The following SLC33A1 variants were observed in gnomAD, a reference collection of about 807,000 sequenced individuals.
SLC33A1 encodes solute carrier family 33 member 1, also known as acetyl-coenzyme A transporter 1.
Under a neutral mutation model 50.0 loss-of-function variants are expected in SLC33A1, and 20 were observed. The ratio of observed to expected loss-of-function variants is 0.40; its 90% CI spans 0.28 to 0.58. The LOEUF (loss-of-function observed/expected upper bound fraction) is 0.58, where lower values mean the gene tolerates loss of function less well. SLC33A1 is among the 20% of genes least tolerant of loss of function. The pLI is 0.44. For synonymous variants in SLC33A1, 265 were observed against 251.8 expected (o/e 1.05, Z -0.50); for missense variants, 476 against 657.0 (o/e 0.72, Z 3.01).
At chr3:155,849,466 A>T (rs1753310724) in intron 1 of SLC33A1, among the ~76,000 whole-genome samples, 1 of 152,184 alleles carries the variant, frequency 6.6e-6, no homozygotes, top group African/African-American at 2.4e-5. Context: ...AACTATAGGA[A>T]TTCTAACTTT....
In SLC33A1 at chr3:155,833,968, G is replaced by A. The variant is rs771681797; in HGVS notation, c.1037C>T (p.Ala346Val). The A allele has an allele frequency of 6.2e-6, 10 of 1,613,584 alleles. No homozygotes were observed. Among genetic ancestry groups the A allele is most frequent in the African/African-American group, 1.3e-5 (1 of 74,908 alleles). The change falls in exon 3 of 6, where the codon GCC becomes GTC. Residue 346 changes from alanine to valine, a missense_variant. Transcript: ENST00000643144. Reference sequence around the variant, plus strand: ...AGGAACCATTGGAACTGCCAATAAGGCTAAATGTTCTTTGGGTACTCCCTC... The same window carrying A: ...AGGAACCATTGGAACTGCCAATAAGACTAAATGTTCTTTGGGTACTCCCTC... The part of the protein sequence containing the change: ...VEEGVPKEHL[A>V]LLAVPMVPLQ...
intron 1 of SLC33A1, among the ~76,000 whole-genome samples, chr3:155,847,639 T>C (rs1222768308): frequency 1.3e-5 from 2 of 151,782 alleles, no homozygotes; most frequent in African/African-American, 4.8e-5. Flanking sequence ...TCCCAGCTAC[T>C]TGGGAGGCTG....
chr3:155,831,537 C>T (rs1047071048), intron 4 of SLC33A1, among the ~76,000 whole-genome samples: 4 of 142,410 alleles, frequency 2.8e-5, no homozygotes, highest in African/African-American at 1.0e-4. Context: ...AGGCTTATGT[C>T]ATACATCATT....
chr3:155,837,049 CAGAAAGGCTAAAATTAAAA>C (rs1457499711), intron 2 of SLC33A1, among the ~76,000 whole-genome samples: 1 of 152,080 alleles, frequency 6.6e-6, no homozygotes, highest in African/African-American at 2.4e-5. Flanking sequence ...ACACAACCAC[CAGAAAGGCTAAAATTAAAA>C]AGATGATATA....
Position 155,853,498 on chromosome 3 carries a change from C to T in SLC33A1, c.500G>A (p.Gly167Glu), listed in dbSNP as rs886907958. ...GTCGGGTGTTCTGTCATCGGTATTC[C>T]CAAGCAAACGGTCCACCTGAGTGGA... is the stretch of plus-strand genomic sequence containing the variant. ...YLSTQVDRLL[G>E]NTDDRTPDVI... Residue 167 changes from glycine to glutamate, a missense_variant, in exon 1 of 6, where the codon GGG becomes GAG. Gly to Glu is a moderately conservative substitution (Grantham distance 98). Coordinates refer to ENST00000643144, the MANE Select transcript of SLC33A1 (RefSeq NM_004733.4). 4.3e-6 allele frequency: 7 copies of T among 1,613,886 alleles called. No homozygotes were observed. In the African/African-American group the frequency reaches 9.4e-5, roughly 22 times the overall value.
chr3:155,822,696 T>C lies in SLC33A1; in HGVS notation c.*5514A>G, dbSNP rs1036897229. 1 of 152,182 alleles carries C rather than the reference T, an allele frequency of 6.6e-6. No individual in the cohort carries two copies. The highest frequency in any genetic ancestry group is 1.5e-5 in the Non-Finnish European group (1 of 68,030). The allele number at this position is 152,182 out of a possible 1,614,324, so 9.4% of individuals were successfully genotyped here. ...ACATAAAATTGTTATAAAGTTATAT[T>C]GTCTATATTGACAATAAAAAACTAT... On this transcript the variant is annotated 3_prime_UTR_variant, in exon 6 of 6. Coordinates refer to ENST00000643144, the MANE Select transcript of SLC33A1 (RefSeq NM_004733.4).
chr3:155,852,782 T>C (rs1373253672), intron 1 of SLC33A1, among the ~76,000 whole-genome samples: 6 of 152,220 alleles, frequency 3.9e-5, no homozygotes, highest in African/African-American at 1.4e-4. Context: ...GCTGGTTCAA[T>C]AATGTTTGAA....
chr3:155,836,941 A>G (rs1752704790), intron 2 of SLC33A1, among the ~76,000 whole-genome samples: 1 of 152,160 alleles, frequency 6.6e-6, no homozygotes, highest in Non-Finnish European at 1.5e-5. Flanking sequence ...AGAAAAGGGC[A>G]ACTTTGGATA....
chr3:155,841,091 C>T (rs1490584555), intron 2 of SLC33A1, among the ~76,000 whole-genome samples: 1 of 151,474 alleles, frequency 6.6e-6, no homozygotes, highest in African/African-American at 2.4e-5. Context: ...GAAAGACAGA[C>T]CCCTGGCTCT....
rs1012395013 is a variant in SLC33A1, at chr3:155,827,482, A to G, written c.*728T>C. The G allele has an allele frequency of 6.6e-6, 1 of 152,242 alleles. No homozygotes were observed. The highest frequency in any genetic ancestry group is 2.4e-5 in the African/African-American group (1 of 41,468). The allele number at this position is 152,242 out of a possible 1,614,324, so 9.4% of individuals were successfully genotyped here. ...TTAGGGTAAAAGTTTATAAGGAATC[A>G]AAATATCTTCCAAAAAGAGGGGGTA... On this transcript the variant is annotated 3_prime_UTR_variant, in exon 6 of 6. Coordinates refer to ENST00000643144, the MANE Select transcript of SLC33A1 (RefSeq NM_004733.4).
rs1577481950 is a variant in SLC33A1, at chr3:155,853,407, G to A, written c.591C>T (p.Val197=). The part of the protein sequence containing the change: ...EFLAATQDIA[V]DGWALTMLSR... ...ATAACATAGTTAACGCCCAACCATC[G>A]ACGGCAATGTCCTGAGTGGCGGCCA... The change falls in exon 1 of 6, where the codon GTC becomes GTT. Residue 197 remains valine, a synonymous_variant. Transcript: ENST00000643144. 2 of 1,613,996 alleles carry A rather than the reference G, an allele frequency of 1.2e-6. No homozygotes were observed. The highest frequency in any genetic ancestry group is 8.5e-7 in the Non-Finnish European group (1 of 1,180,016).
rs1752250251 is a variant in SLC33A1, at chr3:155,827,872, A to C, written c.*338T>G. The C allele has an allele frequency of 4.0e-6, 1 of 250,928 alleles. No individual in the cohort carries two copies. Among genetic ancestry groups the C allele is most frequent in the Non-Finnish European group, 7.7e-6 (1 of 129,036 alleles). The allele number at this position is 250,928 out of a possible 1,614,324, so 15.5% of individuals were successfully genotyped here. On this transcript the variant is annotated 3_prime_UTR_variant, in exon 6 of 6. Transcript: ENST00000643144. ...AGCTCAGCAGTGATAGGTACTAATA[A>C]CAATACCTGACTACATGGTTACCAC...
At chr3:155,837,422 A>G (rs1341903065) in intron 2 of SLC33A1, among the ~76,000 whole-genome samples, 1 of 152,126 alleles carries the variant, frequency 6.6e-6, no homozygotes, top group Admixed American at 6.6e-5. Context: ...TAAAATCAGA[A>G]CTCTCTTACA....
At chr3:155,848,044 G>C (rs1409576536) in intron 1 of SLC33A1, among the ~76,000 whole-genome samples, 1 of 152,140 alleles carries the variant, frequency 6.6e-6, no homozygotes, top group African/African-American at 2.4e-5. Context: ...GCTGCTAGAG[G>C]AGAGGGCCTC....
chr3:155,828,596 C>T (rs1752282133), intron 5 of SLC33A1, among the ~76,000 whole-genome samples: 1 of 152,070 alleles, frequency 6.6e-6, no homozygotes, highest in South Asian at 2.1e-4. Flanking sequence ...AAACAATACT[C>T]ATTTTCTTTT....
At chr3:155,849,909 G>GAATAAT (rs71138683) in intron 1 of SLC33A1, among the ~76,000 whole-genome samples, 2,804 of 133,952 alleles carry the variant, frequency 0.021, 49 homozygotes, top group Non-Finnish European at 0.032. Context: ...CTCCATCTCA[G>GAATAAT]AATAATAATA....
intron 1 of SLC33A1, among the ~76,000 whole-genome samples, chr3:155,847,502 T>C (rs1407981123): frequency 6.6e-6 from 1 of 152,050 alleles, no homozygotes; most frequent in Non-Finnish European, 1.5e-5. Flanking sequence ...CCCAGCACTT[T>C]GGGAAGCTGA....
At chr3:155,848,010 C>T (rs1220102983) in intron 1 of SLC33A1, among the ~76,000 whole-genome samples, 1 of 152,176 alleles carries the variant, frequency 6.6e-6, no homozygotes, top group African/African-American at 2.4e-5. Context: ...CTCCCTATTC[C>T]AATCACTTCT....
chr3:155,846,853 A>G (rs1753195543), intron 1 of SLC33A1, among the ~76,000 whole-genome samples: 1 of 152,092 alleles, frequency 6.6e-6, no homozygotes, highest in Non-Finnish European at 1.5e-5. Context: ...GGATAAACAA[A>G]CTTGGTGTGT....
Sources: allele counts gnomAD v4.1 joint callset (sites outside exome capture counted in the v4.1 genomes callset), GRCh38; gene constraint gnomAD v4.1.1; transcripts MANE v1.5; gene names NCBI Gene and HGNC (gene_info 2026-07-23, HGNC 2026-07-21).